The following ROBO1 variants were observed in gnomAD, a reference collection of about 807,000 sequenced individuals.
ROBO1 encodes the protein roundabout homolog 1.
A neutral mutation model predicts 195.9 loss-of-function variants in ROBO1; 149 were observed. The ratio of observed to expected loss-of-function variants is 0.76; its 90% CI spans 0.67 to 0.87. The LOEUF (loss-of-function observed/expected upper bound fraction) is 0.87. ROBO1 is among the 40% of genes least tolerant of loss of function. ROBO1 has a pLI of 0.00. For synonymous variants in ROBO1, 816 were observed against 733.2 expected, an observed-to-expected ratio of 1.11 and a Z score of -1.82; for missense variants, 1,933 against 2,068.3, an observed-to-expected ratio of 0.93 and a Z score of 1.27.
intron 1 of ROBO1, among the ~76,000 whole-genome samples, chr3:79,721,909 T>A (rs538118128): frequency 2.0e-4 from 31 of 152,340 alleles, no homozygotes; most frequent in African/African-American, 7.0e-4. Flanking sequence ...TTATCAAGGT[T>A]AAACTAGTTT....
chr3:79,325,341 C>T (rs2034157742), intron 2 of ROBO1, among the ~76,000 whole-genome samples: 1 of 152,132 alleles, frequency 6.6e-6, no homozygotes, highest in Non-Finnish European at 1.5e-5. Flanking sequence ...TGTTTTATTT[C>T]ATTCTTCACC....
chr3:79,706,745 C>A (rs923438735), intron 1 of ROBO1, among the ~76,000 whole-genome samples: 16 of 152,076 alleles, frequency 1.1e-4, no homozygotes, highest in African/African-American at 3.4e-4. Context: ...TGCCTTCCAC[C>A]ATGATTGTGA....
At chr3:79,460,214 A>G (rs1182202740) in intron 2 of ROBO1, among the ~76,000 whole-genome samples, 2 of 152,196 alleles carry the variant, frequency 1.3e-5, no homozygotes, top group Admixed American at 6.5e-5. Context: ...TTAAATTGAT[A>G]AATGTAATAT....
intron 2 of ROBO1, among the ~76,000 whole-genome samples, chr3:79,559,301 T>G (rs1181938420): frequency 6.6e-6 from 1 of 152,226 alleles, no homozygotes; most frequent in East Asian, 1.9e-4. Context: ...TTTGCTCAAG[T>G]AAACTCTGTT....
chr3:78,809,953 G>A (rs57657065), intron 4 of ROBO1, among the ~76,000 whole-genome samples: 4,608 of 149,360 alleles, frequency 0.031, 189 homozygotes, highest in African/African-American at 0.097. Context: ...AAACCTGCAC[G>A]TTCTGCACAT....
At chr3:79,596,500 A>T (rs1000221095) in intron 1 of ROBO1, among the ~76,000 whole-genome samples, 1 of 152,012 alleles carries the variant, frequency 6.6e-6, no homozygotes, top group African/African-American at 2.4e-5. Context: ...TTGAGGTTAC[A>T]TGGAAGGCTT....
At chr3:78,938,985 T>A in intron 3 of ROBO1, 58 bp from the exon 4 acceptor site, 4 of 1,425,052 alleles carry the variant, frequency 2.8e-6, no homozygotes, top group South Asian at 1.3e-5. Context: ...TAATCGCTTA[T>A]TTTTAAAGCA....
intron 2 of ROBO1, among the ~76,000 whole-genome samples, chr3:79,344,036 T>C (rs751396413): frequency 3.3e-5 from 5 of 152,160 alleles, no homozygotes; most frequent in Non-Finnish European, 5.9e-5. Flanking sequence ...GGCAAGTTTC[T>C]CAGGTGGTTT....
chr3:79,322,757 T>C (rs1262044605), intron 2 of ROBO1, among the ~76,000 whole-genome samples: 2 of 152,210 alleles, frequency 1.3e-5, no homozygotes, highest in African/African-American at 2.4e-5. Context: ...GGTTGACATA[T>C]AACGGGTATT....
At chr3:79,392,923 A>G (rs2037009785) in intron 2 of ROBO1, among the ~76,000 whole-genome samples, 1 of 152,204 alleles carries the variant, frequency 6.6e-6, no homozygotes, top group African/African-American at 2.4e-5. Flanking sequence ...ACAAATTATG[A>G]AGAGCTGTCA....
At chr3:79,606,287 C>A (rs1183236694) in intron 1 of ROBO1, among the ~76,000 whole-genome samples, 1 of 151,830 alleles carries the variant, frequency 6.6e-6, no homozygotes, top group Non-Finnish European at 1.5e-5. Flanking sequence ...GGATTCGGCT[C>A]CCTCATGTGT....
At chr3:79,123,959 C>T (rs902728727) in intron 3 of ROBO1, among the ~76,000 whole-genome samples, 4 of 151,968 alleles carry the variant, frequency 2.6e-5, no homozygotes, top group Non-Finnish European at 5.9e-5. Flanking sequence ...TTTGGGAAAT[C>T]CACAAAAGAT....
intron 1 of ROBO1, among the ~76,000 whole-genome samples, chr3:79,685,271 G>A (rs1320369748): frequency 6.6e-6 from 1 of 152,100 alleles, no homozygotes; most frequent in African/African-American, 2.4e-5. Context: ...TCCTGCTTGT[G>A]CAGGGTTCAA....
At chr3:79,753,857 T>G (rs2107488609) in intron 1 of ROBO1, among the ~76,000 whole-genome samples, 1 of 152,226 alleles carries the variant, frequency 6.6e-6, no homozygotes, top group Non-Finnish European at 1.5e-5. Context: ...ATGCAAAAAT[T>G]TGAAATAGGA....
chr3:79,523,499 T>A (rs1395117946), intron 2 of ROBO1, among the ~76,000 whole-genome samples: 1 of 146,680 alleles, frequency 6.8e-6, no homozygotes, highest in Non-Finnish European at 1.5e-5. Context: ...TGAGAAGGAG[T>A]TTTGCTCTTG....
chr3:79,446,564 C>T (rs1330284605), intron 2 of ROBO1, among the ~76,000 whole-genome samples: 2 of 152,106 alleles, frequency 1.3e-5, no homozygotes, highest in Non-Finnish European at 2.9e-5. Flanking sequence ...TCCCACTAAG[C>T]TGTCAAATTA....
intron 19 of ROBO1, among the ~76,000 whole-genome samples, chr3:78,650,145 C>T (rs952986551): frequency 5.3e-5 from 8 of 152,114 alleles, no homozygotes; most frequent in African/African-American, 1.4e-4. Context: ...CACTCCACCA[C>T]ACAAAGACAC....
chr3:78,606,731 A>G lies in ROBO1; in HGVS notation c.4744+2T>C. The G allele has an allele frequency of 6.2e-7, 1 of 1,612,962 alleles. No homozygotes were observed. ...TTATTTGCTGCTTGATTGGATGAGTACCTTGGATGAGATGAGTCTTTGCTG... is the reference window on the plus strand; with the variant it reads ...TTATTTGCTGCTTGATTGGATGAGTGCCTTGGATGAGATGAGTCTTTGCTG... On this transcript the variant is annotated splice_donor_variant, in intron 29 of 30. Coordinates refer to ENST00000464233, the MANE Select transcript of ROBO1 (RefSeq NM_002941.4). LOFTEE classifies it high-confidence loss of function.
At chr3:79,765,859 G>C (rs1359536268) in intron 1 of ROBO1, among the ~76,000 whole-genome samples, 1 of 152,076 alleles carries the variant, frequency 6.6e-6, no homozygotes, top group African/African-American at 2.4e-5. Flanking sequence ...GCTCAGCCCG[G>C]GTTGACAAGC....
Sources: gnomAD v4.1 joint callset for allele counts (sites outside exome capture counted in the v4.1 genomes callset) on GRCh38, gnomAD v4.1.1 for gene constraint, MANE v1.5 for transcripts, NCBI Gene and HGNC (gene_info 2026-07-23, HGNC 2026-07-21) for gene names.